The following MYO1E variants were observed in gnomAD, a reference collection of about 807,000 sequenced individuals.
MYO1E encodes myosin IE.
In MYO1E, 68 loss-of-function variants were observed where a neutral mutation model predicts 151.1. The ratio of observed to expected loss-of-function variants is 0.45; its 90% confidence interval spans 0.37 to 0.55. The LOEUF is 0.55. MYO1E is among the 20% of genes least tolerant of loss of function. The pLI is 0.00. For synonymous variants in MYO1E, 601 were observed against 501.7 expected (o/e 1.20, Z -2.64); for missense variants, 1,363 against 1,389.3 (o/e 0.98, Z 0.30).
At chr15:59,236,996 A>G (rs1439671276) in intron 4 of MYO1E, among the ~76,000 whole-genome samples, 2 of 152,250 alleles carry the variant, frequency 1.3e-5, no homozygotes, top group Non-Finnish European at 2.9e-5. Flanking sequence ...GGAATTCTAC[A>G]TAAATTACAA....
chr15:59,154,438 C>T (rs2079499092), intron 25 of MYO1E, among the ~76,000 whole-genome samples: 1 of 152,234 alleles, frequency 6.6e-6, no homozygotes, highest in African/African-American at 2.4e-5. Context: ...TAATGGGTTA[C>T]AGTGGCAGGC....
chr15:59,341,396 G>A (rs2080764885), intron 1 of MYO1E: 1 of 151,872 alleles, frequency 6.6e-6, no homozygotes, highest in South Asian at 2.1e-4. Flanking sequence ...TCCAATTTTA[G>A]TATACGTGTT....
chr15:59,267,346 T>C (rs1055643683), intron 2 of MYO1E, among the ~76,000 whole-genome samples: 7 of 152,198 alleles, frequency 4.6e-5, no homozygotes, highest in Non-Finnish European at 7.3e-5. Flanking sequence ...ATTTGAATAG[T>C]CAGTGAATTT....
intron 1 of MYO1E, among the ~76,000 whole-genome samples, chr15:59,335,445 G>A (rs2080722462): frequency 6.6e-6 from 1 of 152,126 alleles, no homozygotes; most frequent in African/African-American, 2.4e-5. Context: ...TGATGATTCT[G>A]TGGCCACATC....
At chr15:59,241,386 A>T (rs1267854329) in intron 4 of MYO1E, among the ~76,000 whole-genome samples, 2 of 152,212 alleles carry the variant, frequency 1.3e-5, no homozygotes, top group African/African-American at 2.4e-5. Flanking sequence ...TATAATAATA[A>T]AACAAATAAA....
At chr15:59,278,988 G>C (rs760622870) in intron 1 of MYO1E, among the ~76,000 whole-genome samples, 8 of 152,082 alleles carry the variant, frequency 5.3e-5, no homozygotes, top group Non-Finnish European at 8.8e-5. Flanking sequence ...GGTGGCACGT[G>C]AGGCTCGGGG....
At chr15:59,231,649 A>G (rs1021835612) in intron 6 of MYO1E, 53 bp downstream of exon 6, 1 of 1,568,622 alleles carries the variant, frequency 6.4e-7, no homozygotes, top group Non-Finnish European at 8.8e-7. Flanking sequence ...TTCAGTCAGA[A>G]GCATCAACAT....
chr15:59,161,109 G>C lies in MYO1E; in HGVS notation c.2749C>G (p.Gln917Glu). The change falls in exon 24 of 28, where the codon CAG becomes GAG. Residue 917 changes from glutamine to glutamate, a missense_variant. By Grantham distance (29) the Gln-to-Glu change is conservative (BLOSUM62 2). Coordinates refer to ENST00000288235, the MANE Select transcript of MYO1E (RefSeq NM_004998.4). ...AVLKPSNKVL[Q>E]VSIGPGLPKN... Reference sequence around the variant, plus strand: ...GGCAGTCCAGGTCCGATGCTGACCTGCAGCACTTTGTTACTGGGCTTGAGG... The same window carrying C: ...GGCAGTCCAGGTCCGATGCTGACCTCCAGCACTTTGTTACTGGGCTTGAGG... The C allele has an allele frequency of 1.2e-6, 2 of 1,613,974 alleles. No individual in the cohort carries two copies. The highest frequency in any genetic ancestry group is 1.7e-6 in the Non-Finnish European group (2 of 1,180,026).
intron 26 of MYO1E, among the ~76,000 whole-genome samples, chr15:59,144,999 A>G (rs1401934735): frequency 2.0e-5 from 3 of 152,014 alleles, no homozygotes; most frequent in Non-Finnish European, 4.4e-5. Context: ...ATGCACCACC[A>G]TGCCCGGCTA....
chr15:59,160,336 CGTGTGTGTGTGT>C (rs55633634), intron 24 of MYO1E, among the ~76,000 whole-genome samples: 143 of 120,154 alleles, frequency 1.2e-3, no homozygotes, highest in South Asian at 4.8e-3. Flanking sequence ...TGAGGTAGTG[CGTGTGTGTGTGT>C]GTGTGTGTGT....
In MYO1E at chr15:59,159,792, G is replaced by A. The variant is rs1030693963; in HGVS notation, c.2785+1281C>T. Among the ~76,000 whole-genome samples the A allele has an allele frequency of 6.6e-6, 1 of 152,204 alleles. No homozygotes were observed. The highest frequency in any genetic ancestry group is 2.4e-5 in the African/African-American group (1 of 41,434). On this transcript the variant is annotated intron_variant, in intron 24 of 27. Transcript: ENST00000288235. This position sits in a 1 kb window ranked among gnomAD's most constrained non-coding sequence, Gnocchi z 4.4. ...GCATTTGCTGGTATTGTATTAATAT[G>A]TTAGAGAACATGTTAAGGTGTACCT...
intron 12 of MYO1E, among the ~76,000 whole-genome samples, chr15:59,212,323 G>C (rs2079884325): frequency 1.3e-5 from 2 of 152,030 alleles, no homozygotes; most frequent in Admixed American, 1.3e-4. Context: ...CCACCCCTTA[G>C]AGTAGCTACA....
chr15:59,203,600 T>A (rs957387451), intron 15 of MYO1E, among the ~76,000 whole-genome samples: 4 of 152,282 alleles, frequency 2.6e-5, no homozygotes, highest in African/African-American at 9.6e-5. Context: ...GGTCTCGATC[T>A]CTTGACCTCG....
At chr15:59,286,783 C>T (rs2080390084) in intron 1 of MYO1E, among the ~76,000 whole-genome samples, 1 of 152,226 alleles carries the variant, frequency 6.6e-6, no homozygotes, top group East Asian at 1.9e-4. Flanking sequence ...CTGCTCTGAT[C>T]TATGGCACAG....
intron 1 of MYO1E, among the ~76,000 whole-genome samples, chr15:59,324,827 C>G (rs2080653152): frequency 1.3e-5 from 2 of 151,886 alleles, no homozygotes; most frequent in African/African-American, 4.8e-5. Context: ...TTGCTTCTAT[C>G]AGGGAGTAAT....
Position 59,261,607 on chromosome 15 carries a change from C to G in MYO1E, c.148-98G>C, listed in dbSNP as rs1020018578. Reference sequence around the variant, plus strand: ...TTATCAAGAATTCACAATGACTGTCCAAGTGGAAAGTTTGTGTACTTGTTT... The same window carrying G: ...TTATCAAGAATTCACAATGACTGTCGAAGTGGAAAGTTTGTGTACTTGTTT... On this transcript the variant is annotated intron_variant, in intron 2 of 27. Transcript: ENST00000288235. 1.3e-5 allele frequency: 11 copies of G among 827,618 alleles called. No homozygotes were observed. In the East Asian group the frequency reaches 2.0e-4, roughly 15 times the overall value. The allele number at this position is 827,618 out of a possible 1,614,324, so 51.3% of individuals were successfully genotyped here.
intron 1 of MYO1E, among the ~76,000 whole-genome samples, chr15:59,321,339 C>A (rs930439321): frequency 1.3e-5 from 2 of 152,130 alleles, no homozygotes; most frequent in African/African-American, 2.4e-5. Flanking sequence ...GGGTATACAT[C>A]GAAAAGAAAA....
At chr15:59,284,003 C>G (rs148595438) in intron 1 of MYO1E, among the ~76,000 whole-genome samples, 15 of 152,312 alleles carry the variant, frequency 9.8e-5, no homozygotes, top group African/African-American at 3.6e-4. Flanking sequence ...ATACCTGGTA[C>G]AAAGCCCTGC....
intron 1 of MYO1E, among the ~76,000 whole-genome samples, chr15:59,297,905 T>C (rs1161172201): frequency 6.6e-6 from 1 of 152,200 alleles, no homozygotes; most frequent in Admixed American, 6.5e-5. Flanking sequence ...TTTTAAACAG[T>C]TCAGGCAAGT....
Sources: gnomAD v4.1 joint callset for allele counts (sites outside exome capture counted in the v4.1 genomes callset) on GRCh38, gnomAD v4.1.1 for gene constraint, Gnocchi (gnomAD v3.1) non-coding constraint, MANE v1.5 for transcripts, NCBI Gene and HGNC (gene_info 2026-07-23, HGNC 2026-07-21) for gene names.